Variants in CNTNAP2 observed in about 807,000 individuals in gnomAD.
CNTNAP2 encodes contactin associated protein 2.
CNTNAP2 carries 98 observed loss-of-function variants against 155.2 expected under a neutral mutation model. The ratio of observed to expected loss-of-function variants is 0.63; its 90% confidence interval spans 0.54 to 0.75. CNTNAP2 has a LOEUF of 0.75. Ranked by LOEUF, CNTNAP2 falls within the 30% of genes least tolerant of loss-of-function variation. The pLI is 0.00. For synonymous variants in CNTNAP2, 651 were observed against 631.2 expected, an observed-to-expected ratio of 1.03 and a Z score of -0.47; for missense variants, 1,727 against 1,688.1, an observed-to-expected ratio of 1.02 and a Z score of -0.40.
chr7:147,464,774 G>A (rs562048072), intron 10 of CNTNAP2, among the ~76,000 whole-genome samples: 1 of 152,160 alleles, frequency 6.6e-6, no homozygotes, highest in Non-Finnish European at 1.5e-5. Flanking sequence ...TTTCATAGCA[G>A]TGTGATTTTA....
chr7:148,211,239 G>T (rs564200814), intron 18 of CNTNAP2, among the ~76,000 whole-genome samples: 2 of 152,220 alleles, frequency 1.3e-5, no homozygotes, highest in African/African-American at 2.4e-5. Context: ...GCTCCCAGGA[G>T]AGCCTCCTAG....
intron 4 of CNTNAP2, among the ~76,000 whole-genome samples, chr7:147,067,941 A>G (rs933623120): frequency 2.0e-5 from 3 of 152,216 alleles, no homozygotes; most frequent in African/African-American, 7.2e-5. Context: ...TTTGTGGACC[A>G]GGTGTCTGGG....
chr7:148,174,154 G>A (rs917067820), intron 18 of CNTNAP2, among the ~76,000 whole-genome samples: 1 of 152,162 alleles, frequency 6.6e-6, no homozygotes, highest in African/African-American at 2.4e-5. Flanking sequence ...GATTCAATTA[G>A]TGACTTTAAC....
chr7:146,511,923 C>CT (rs1374107066), intron 1 of CNTNAP2, among the ~76,000 whole-genome samples: 1 of 151,968 alleles, frequency 6.6e-6, no homozygotes, highest in East Asian at 1.9e-4. Context: ...ATATGGGAGG[C>CT]TTTTTATTAC....
intron 1 of CNTNAP2, among the ~76,000 whole-genome samples, chr7:146,744,916 T>G (rs73170309): frequency 0.17 from 25,358 of 152,164 alleles, 2,575 homozygotes; most frequent in South Asian, 0.37. Context: ...ATCCTCTAAG[T>G]AGAATATTTG....
chr7:146,819,120 A>G (rs1270118825), intron 2 of CNTNAP2, among the ~76,000 whole-genome samples: 3 of 152,176 alleles, frequency 2.0e-5, no homozygotes, highest in African/African-American at 7.2e-5. Context: ...AAAGTATTCT[A>G]TATGATCATT....
intron 14 of CNTNAP2, among the ~76,000 whole-genome samples, chr7:147,970,475 A>G (rs1019825605): frequency 6.6e-6 from 1 of 152,190 alleles, no homozygotes; most frequent in Admixed American, 6.5e-5. Context: ...CTATAATCCC[A>G]GCACTTTGGG....
At chr7:147,155,318 T>C (rs1419587250) in intron 8 of CNTNAP2, among the ~76,000 whole-genome samples, 1 of 152,142 alleles carries the variant, frequency 6.6e-6, no homozygotes, top group Non-Finnish European at 1.5e-5. Context: ...TCTGGACTTC[T>C]CAACCTTCCT....
intron 1 of CNTNAP2, among the ~76,000 whole-genome samples, chr7:146,251,547 A>T (rs1043493798): frequency 6.6e-5 from 10 of 152,238 alleles, no homozygotes; most frequent in Non-Finnish European, 1.5e-5. Flanking sequence ...AGTTGCATAT[A>T]GCAAAGAAGT....
At chr7:146,717,257 C>T (rs1801204885) in intron 1 of CNTNAP2, among the ~76,000 whole-genome samples, 1 of 151,312 alleles carries the variant, frequency 6.6e-6, no homozygotes, top group East Asian at 1.9e-4. Context: ...ACCTAGTTTT[C>T]TTTGGGAGGC....
intron 1 of CNTNAP2, among the ~76,000 whole-genome samples, chr7:146,234,602 C>T (rs802574): frequency 0.69 from 102,830 of 149,646 alleles, 36,476 homozygotes; most frequent in East Asian, 0.94. Flanking sequence ...TTAGGTCTAA[C>T]GTTTAAGTCT....
intron 3 of CNTNAP2, among the ~76,000 whole-genome samples, chr7:146,933,495 A>C (rs1796831009): frequency 6.6e-6 from 1 of 151,042 alleles, no homozygotes; most frequent in East Asian, 1.9e-4. Context: ...CTAGAAGAAA[A>C]CCTAGGCATT....
At position 146,467,876 on chromosome 7, in the gene CNTNAP2, G is replaced by A. The variant is rs146910389; in HGVS notation, c.98-306395G>A. Among the ~76,000 whole-genome samples the A allele has an allele frequency of 1.1e-3, 169 of 152,194 alleles. 1 individual carries two copies. The highest frequency in any genetic ancestry group is 3.9e-3 in the African/African-American group (161 of 41,542). The stretch of plus-strand genomic sequence containing the variant: ...TGAATAATACCTTGGAATAGTGTGA[G>A]AGCAATATTGTTCAATGTAATAGTA... On this transcript the variant is annotated intron_variant, in intron 1 of 23. Coordinates refer to ENST00000361727, the MANE Select transcript of CNTNAP2 (RefSeq NM_014141.6).
intron 4 of CNTNAP2, among the ~76,000 whole-genome samples, chr7:147,095,621 CTTCT>C (rs551391802): frequency 7.3e-4 from 110 of 151,218 alleles, no homozygotes; most frequent in African/African-American, 2.5e-3. Flanking sequence ...GTTTTTCTTG[CTTCT>C]TTCTTTTTTT....
intron 15 of CNTNAP2, among the ~76,000 whole-genome samples, chr7:148,085,776 G>A (rs1312838627): frequency 1.3e-5 from 2 of 151,534 alleles, no homozygotes; most frequent in African/African-American, 2.4e-5. Flanking sequence ...CTGGAGTGCA[G>A]TGGCATGAAC....
intron 1 of CNTNAP2, among the ~76,000 whole-genome samples, chr7:146,138,035 A>G (rs978663422): frequency 1.3e-5 from 2 of 152,022 alleles, no homozygotes; most frequent in African/African-American, 4.8e-5. Flanking sequence ...GGTTTTTGCA[A>G]ACTACATTCC....
At chr7:147,876,995 A>G (rs1799431731) in intron 13 of CNTNAP2, among the ~76,000 whole-genome samples, 1 of 152,078 alleles carries the variant, frequency 6.6e-6, no homozygotes, top group South Asian at 2.1e-4. Flanking sequence ...TCAGGAATGG[A>G]TGCAAATTGA....
At chr7:146,597,320 C>T (rs1798877770) in intron 1 of CNTNAP2, among the ~76,000 whole-genome samples, 1 of 151,882 alleles carries the variant, frequency 6.6e-6, no homozygotes, top group Admixed American at 6.6e-5. Flanking sequence ...GTGAGCATGT[C>T]ACCTCTGGTC....
rs114183592 is a variant in CNTNAP2 at position 146,984,496 on chromosome 7, T to A, written c.403-59411T>A. ...TTCTGTTTTTTATTCTTTGTTCCAC[T>A]TTATATTCTCCCTTGGTGTGAAGAA... is the stretch of plus-strand genomic sequence containing the variant. On this transcript the variant is annotated intron_variant, in intron 3 of 23. Coordinates refer to ENST00000361727, the MANE Select transcript of CNTNAP2 (RefSeq NM_014141.6). Among the ~76,000 whole-genome samples the A allele has an allele frequency of 3.2e-3, 488 of 152,224 alleles. 3 individuals carry two copies. The highest frequency in any genetic ancestry group is 0.011 in the African/African-American group (458 of 41,520).
Sources: gnomAD v4.1 joint callset for allele counts (sites outside exome capture counted in the v4.1 genomes callset) on GRCh38, gnomAD v4.1.1 for gene constraint, MANE v1.5 for transcripts, NCBI Gene and HGNC (gene_info 2026-07-23, HGNC 2026-07-21) for gene names.